Variants in TIFAB observed in about 807,000 individuals in gnomAD.
TIFAB encodes the protein TRAF-interacting protein with FHA domain-containing protein B.
For synonymous variants in TIFAB, 116 were observed against 95.2 expected, an observed-to-expected ratio of 1.22 and a Z score of -1.27; for missense variants, 222 against 203.6, an observed-to-expected ratio of 1.09 and a Z score of -0.55.
Position 135,449,380 on chromosome 5 carries a change from T to A in TIFAB, c.*74A>T. The A allele has an allele frequency of 6.4e-7, 1 of 1,570,260 alleles. No individual in the cohort carries two copies. Among genetic ancestry groups the A allele is most frequent in the Non-Finnish European group, 8.6e-7 (1 of 1,160,362 alleles). On this transcript the variant is annotated 3_prime_UTR_variant, in exon 2 of 2. Transcript: ENST00000537858. ...TCTGGAGCTGTATTTCTGTTCCTCC[T>A]CCAGGTCTTGGCTGGAGAGGGCTGT...
chr5:135,451,898 T>A (rs1769367909), intron 1 of TIFAB, among the ~76,000 whole-genome samples: 1 of 152,164 alleles, frequency 6.6e-6, no homozygotes. Context: ...GAAACTAATA[T>A]CACGGCACAG....
rs564956591 is a variant in TIFAB, at chr5:135,449,204, T to C, written c.*250A>G. The C allele has an allele frequency of 4.2e-4, 239 of 568,672 alleles. 2 individuals carry two copies. Among genetic ancestry groups the C allele is most frequent in the Non-Finnish European group, 6.5e-4 (211 of 325,536 alleles). 35.2% of individuals were successfully genotyped at this position (568,672 alleles called of 1,614,324 possible). ...TCCCCCCTGGGCTGTTTGTTCGGTGTTTGCAGAATTGGTTCATTATGAGCA... is the reference window on the plus strand; with the variant it reads ...TCCCCCCTGGGCTGTTTGTTCGGTGCTTGCAGAATTGGTTCATTATGAGCA... On this transcript the variant is annotated 3_prime_UTR_variant, in exon 2 of 2. Transcript: ENST00000537858.
Position 135,449,900 on chromosome 5 carries a change from G to A in TIFAB, c.40C>T (p.His14Tyr), listed in dbSNP as rs1423146070. 1.3e-6 allele frequency: 2 copies of A among 1,544,806 alleles called. No individual in the cohort carries two copies. The highest frequency in any genetic ancestry group is 2.5e-5 in the South Asian group (2 of 80,168). The change falls in exon 2 of 2, where the codon CAT becomes TAT. Residue 14 changes from histidine (H) to tyrosine (Y), a missense_variant. By Grantham distance (83) the His-to-Tyr change is moderately conservative (BLOSUM62 2). Transcript: ENST00000537858. ...PLTVLRVSLYHPTLGPSAFAN... is the reference protein window; with the variant it reads ...PLTVLRVSLYYPTLGPSAFAN... ...AAGGCAGATGGGCCCAGCGTGGGAT[G>A]GTACAGGCTCACTCGCAGGACGGTG...
rs1769315364 is a variant in TIFAB at position 135,448,771 on chromosome 5, T to TA, written c.*682dup. ...GAGTCCCACCTTTCCAATTTCCTCT[T>TA]ACACCTCGTCTATATTTCCCACCCC... On this transcript the variant is annotated 3_prime_UTR_variant, in exon 2 of 2. Coordinates refer to ENST00000537858, the MANE Select transcript of TIFAB (RefSeq NM_001099221.2). The TA allele has an allele frequency of 6.6e-6, 1 of 152,394 alleles. No individual in the cohort carries two copies. Among genetic ancestry groups the TA allele is most frequent in the Admixed American group, 6.5e-5 (1 of 15,302 alleles). 9.4% of individuals were successfully genotyped at this position (152,394 alleles called of 1,614,324 possible). A position where few individuals can be genotyped will look rare whatever the true frequency, so the allele number is the denominator to read the frequency against.
Position 135,446,112 on chromosome 5 carries a change from C to G in TIFAB, c.*3342G>C, listed in dbSNP as rs370525727. 2.9e-6 allele frequency: 1 copy of G among 347,646 alleles called. No homozygotes were observed. The highest frequency in any genetic ancestry group is 5.3e-5 in the East Asian group (1 of 18,714). 21.5% of individuals were successfully genotyped at this position (347,646 alleles called of 1,614,324 possible). On this transcript the variant is annotated 3_prime_UTR_variant, in exon 2 of 2. Transcript: ENST00000537858. ...TCTGGGTGCCTTAAATTTGTGATGC[C>G]TCAAACTGACCTTCACAATGACTCT...
Position 135,446,517 on chromosome 5 carries a change from C to A in TIFAB, c.*2937G>T, listed in dbSNP as rs1301510609. 8.7e-6 allele frequency: 14 copies of A among 1,613,842 alleles called. No individual in the cohort carries two copies. The highest frequency in any genetic ancestry group is 1.3e-5 in the African/African-American group (1 of 74,898). ...TGCGAAGACCAGGCCCTGAAGCCAG[C>A]CTGACGGTTCCAGCTGTTAGGAGAA... On this transcript the variant is annotated 3_prime_UTR_variant, in exon 2 of 2. Transcript: ENST00000537858.
In TIFAB at chr5:135,446,390, G is replaced by T. The variant is rs751958565; in HGVS notation, c.*3064C>A. The T allele has an allele frequency of 2.5e-6, 4 of 1,604,276 alleles. No individual in the cohort carries two copies. On this transcript the variant is annotated 3_prime_UTR_variant, in exon 2 of 2. Coordinates refer to ENST00000537858, the MANE Select transcript of TIFAB (RefSeq NM_001099221.2). ...CACACATGTTCACTCAGGCACGTGG[G>T]CTGCCCTGCGGTGGGAGCTGAGAGA...
At position 135,446,959 on chromosome 5, in the gene TIFAB, C is replaced by T. The variant is rs779051371; in HGVS notation, c.*2495G>A. ...GGGCACTCAGGGGCAGCAGCTCATT[C>T]CCAAAGTTCTCTGGTGGAGCTGGGG... On this transcript the variant is annotated 3_prime_UTR_variant, in exon 2 of 2. Transcript: ENST00000537858. 3 of 1,612,662 alleles carry T rather than the reference C, an allele frequency of 1.9e-6. No homozygotes were observed. In the East Asian group the frequency reaches 6.7e-5, roughly 36 times the overall value.
At chr5:135,450,278 G>T (rs1221722787) in intron 1 of TIFAB, among the ~76,000 whole-genome samples, 1 of 152,188 alleles carries the variant, frequency 6.6e-6, no homozygotes, top group Admixed American at 6.5e-5. Context: ...GAGACAACTT[G>T]GCCCTGCTTC....
intron 1 of TIFAB, 24 bp from the exon 2 acceptor site, chr5:135,449,973 A>C: frequency 6.6e-7 from 1 of 1,513,556 alleles, no homozygotes; most frequent in South Asian, 1.3e-5. Context: ...ACATGGACAC[A>C]CAGGCTCAGC....
In TIFAB at chr5:135,446,364, G is replaced by A. The variant is rs115662828; in HGVS notation, c.*3090C>T. The A allele has an allele frequency of 1.9e-3, 2,962 of 1,587,956 alleles. 30 individuals are homozygous for A. In the African/African-American group the frequency reaches 0.025, roughly 13 times the overall value. On this transcript the variant is annotated 3_prime_UTR_variant, in exon 2 of 2. Coordinates refer to ENST00000537858, the MANE Select transcript of TIFAB (RefSeq NM_001099221.2). ...TGTGCATACTTGCGTGTGTGCACAC[G>A]CACACATGTTCACTCAGGCACGTGG...
Position 135,449,372 on chromosome 5 carries a change from G to C in TIFAB, c.*82C>G, listed in dbSNP as rs1201203830. ...GGGTTCCCTCTGGAGCTGTATTTCT[G>C]TTCCTCCTCCAGGTCTTGGCTGGAG... On this transcript the variant is annotated 3_prime_UTR_variant, in exon 2 of 2. Transcript: ENST00000537858. 9 of 1,555,176 alleles carry C rather than the reference G, an allele frequency of 5.8e-6. No homozygotes were observed. Among genetic ancestry groups the C allele is most frequent in the South Asian group, 2.4e-5 (2 of 82,034 alleles).
In TIFAB at chr5:135,446,901, G is replaced by T; in HGVS notation, c.*2553C>A. 1 of 1,613,538 alleles carries T rather than the reference G, an allele frequency of 6.2e-7. No homozygotes were observed. The highest frequency in any genetic ancestry group is 8.5e-7 in the Non-Finnish European group (1 of 1,179,662). ...GCTGGCAAGGTTTTGTTCCTCCCTGGAGGGTAGAGACCCTCACTGAGGCCC... is the reference window on the plus strand; with the variant it reads ...GCTGGCAAGGTTTTGTTCCTCCCTGTAGGGTAGAGACCCTCACTGAGGCCC... On this transcript the variant is annotated 3_prime_UTR_variant, in exon 2 of 2. Transcript: ENST00000537858.
rs1356099965 is a variant in TIFAB, at chr5:135,446,457, G to A, written c.*2997C>T. The A allele has an allele frequency of 1.9e-6, 3 of 1,613,742 alleles. No homozygotes were observed. Among genetic ancestry groups the A allele is most frequent in the Non-Finnish European group, 2.5e-6 (3 of 1,179,772 alleles). ...TGGGAGGAACTCACCCGCCTGCTCTGGCTGTCTGAGCAGGTGAGGGATAGT... is the reference window on the plus strand; with the variant it reads ...TGGGAGGAACTCACCCGCCTGCTCTAGCTGTCTGAGCAGGTGAGGGATAGT... On this transcript the variant is annotated 3_prime_UTR_variant, in exon 2 of 2. Coordinates refer to ENST00000537858, the MANE Select transcript of TIFAB (RefSeq NM_001099221.2).
chr5:135,446,364 G>C lies in TIFAB; in HGVS notation c.*3090C>G, dbSNP rs115662828. 1 of 1,587,958 alleles carries C rather than the reference G, an allele frequency of 6.3e-7. No homozygotes were observed. The highest frequency in any genetic ancestry group is 2.2e-5 in the East Asian group (1 of 44,486). ...TGTGCATACTTGCGTGTGTGCACACGCACACATGTTCACTCAGGCACGTGG... is the reference window on the plus strand; with the variant it reads ...TGTGCATACTTGCGTGTGTGCACACCCACACATGTTCACTCAGGCACGTGG... On this transcript the variant is annotated 3_prime_UTR_variant, in exon 2 of 2. Transcript: ENST00000537858.
chr5:135,446,535 T>C lies in TIFAB; in HGVS notation c.*2919A>G, dbSNP rs1185645176. 23 of 1,613,784 alleles carry C rather than the reference T, an allele frequency of 1.4e-5. No individual in the cohort carries two copies. The highest frequency in any genetic ancestry group is 1.9e-5 in the Non-Finnish European group (22 of 1,179,874). On this transcript the variant is annotated 3_prime_UTR_variant, in exon 2 of 2. Coordinates refer to ENST00000537858, the MANE Select transcript of TIFAB (RefSeq NM_001099221.2). ...AAGCCAGCCTGACGGTTCCAGCTGT[T>C]AGGAGAAAGTGAAGGTGGGTGCCAT...
In TIFAB at chr5:135,446,804, GC is replaced by G. The variant is rs1170182169; in HGVS notation, c.*2649del. 1 of 1,613,924 alleles carries G rather than the reference GC, an allele frequency of 6.2e-7. No homozygotes were observed. The highest frequency in any genetic ancestry group is 1.1e-5 in the South Asian group (1 of 91,078). On this transcript the variant is annotated 3_prime_UTR_variant, in exon 2 of 2. Coordinates refer to ENST00000537858, the MANE Select transcript of TIFAB (RefSeq NM_001099221.2). ...CTGGGTCCCTGAGGGCCTCGCAGAT[GC>G]TTCACTCGAAAGATTGGAGTTGCAG... is the stretch of plus-strand genomic sequence containing the variant.
chr5:135,445,847 G>A lies in TIFAB; in HGVS notation c.*3607C>T, dbSNP rs1210716358. On this transcript the variant is annotated 3_prime_UTR_variant, in exon 2 of 2. Coordinates refer to ENST00000537858, the MANE Select transcript of TIFAB (RefSeq NM_001099221.2). The stretch of plus-strand genomic sequence containing the variant: ...GCCCGTGTCTCTCACGGACAGCTTG[G>A]CAAGATTCACATTCTTGGAAAAGCA... 1 of 153,186 alleles carries A rather than the reference G, an allele frequency of 6.5e-6. No homozygotes were observed. Among genetic ancestry groups the A allele is most frequent in the Non-Finnish European group, 1.5e-5 (1 of 68,822 alleles). The allele number at this position is 153,186 out of a possible 1,614,324, so 9.5% of individuals were successfully genotyped here.
chr5:135,451,092 GCTGCCCCATGTTCCA>G (rs1310272033), intron 1 of TIFAB, among the ~76,000 whole-genome samples: 1 of 152,096 alleles, frequency 6.6e-6, no homozygotes, highest in Non-Finnish European at 1.5e-5. Flanking sequence ...TGTGGTTCTT[GCTGCCCCATGTTCCA>G]CTGCCCCATA....
Sources: allele counts gnomAD v4.1 joint callset (sites outside exome capture counted in the v4.1 genomes callset), GRCh38; gene constraint gnomAD v4.1.1; transcripts MANE v1.5; gene names NCBI Gene and HGNC (gene_info 2026-07-23, HGNC 2026-07-21).